The following MUC22 variants were observed in gnomAD, a reference collection of about 807,000 sequenced individuals.
MUC22 encodes the protein mucin-22.
Under a neutral mutation model 40.3 loss-of-function variants are expected in MUC22, and 24 were observed. That is an observed-to-expected ratio of 0.60 (90% confidence interval 0.43 to 0.84). MUC22 has a LOEUF of 0.84. MUC22 is among the 40% of genes least tolerant of loss of function. The pLI is 0.00. For synonymous variants in MUC22, 765 were observed against 844.5 expected, an observed-to-expected ratio of 0.91 and a Z score of 1.63; for missense variants, 1,926 against 2,130.7, an observed-to-expected ratio of 0.90 and a Z score of 1.89.
exon 2 of MUC22, chr6:31,028,078 T>C (rs1186288491): frequency 1.3e-6 from 2 of 1,534,340 alleles, no homozygotes; most frequent in East Asian, 4.9e-5. Flanking sequence ...TACTACAAGC[T>C]CTGAGACCAC....
At chr6:31,030,010 G>A in exon 2 of MUC22, 1 of 1,535,760 alleles carries the variant, frequency 6.5e-7, no homozygotes, top group Non-Finnish European at 8.7e-7. Context: ...TGGGGCCACT[G>A]CAGCCTCCAC....
At chr6:31,008,010 C>T (rs1397911820), upstream of MUC22, among the ~76,000 whole-genome samples, 2 of 152,102 alleles carry the variant, frequency 1.3e-5, no homozygotes, top group Admixed American at 6.5e-5. Flanking sequence ...TTTTATATTC[C>T]GCATACTTTC....
chr6:31,015,119 A>G (rs1331143951), intron 1 of MUC22, among the ~76,000 whole-genome samples: 1 of 152,174 alleles, frequency 6.6e-6, no homozygotes, highest in Non-Finnish European at 1.5e-5. Context: ...GTTGCCTAGT[A>G]CTTGACTTTG....
In MUC22 at chr6:31,026,386, A is replaced by G. The variant is rs182397327; in HGVS notation, c.955A>G (p.Thr319Ala). The G allele has an allele frequency of 2.6e-4, 399 of 1,507,082 alleles. 47 individuals are homozygous for G. The Admixed American group carries it at 4.8e-3, about 18-fold the overall frequency. 93.4% of individuals were successfully genotyped at this position (1,507,082 alleles called of 1,614,324 possible). A position where few individuals can be genotyped will look rare whatever the true frequency, so the allele number is the denominator to read the frequency against. The change falls in exon 2 of 4, where the codon ACC becomes GCC. Residue 319 changes from threonine to alanine, a missense_variant. Around this residue, in one of 3 missense-constraint regions of MUC22, gnomAD observed 1,281 missense variants for 1,337.8 expected, o/e 0.96. Coordinates refer to ENST00000561890, the Ensembl canonical transcript of MUC22. ...CTCTATTTCAGGTTCTGAGATCACC[A>G]CCACCTCTACGGCAGGATCCGAGAA... is the stretch of plus-strand genomic sequence containing the variant.
Position 31,016,987 on chromosome 6 carries a change from C to T in MUC22, c.70+6211C>T, listed in dbSNP as rs374292741. ...GGTGCGCCAGGTTCCCCAGCAGTGC[C>T]AGCGGGTGCTGCGCTCCAATTCTCG... On this transcript the variant is annotated intron_variant, in intron 1 of 3. Coordinates refer to ENST00000561890, the Ensembl canonical transcript of MUC22. Among the ~76,000 whole-genome samples, 303 of 152,354 alleles carry T rather than the reference C, an allele frequency of 2.0e-3. 6 individuals are homozygous for T. Among genetic ancestry groups the T allele is most frequent in the Middle Eastern group, 0.014 (4 of 294 alleles).
chr6:31,034,038 G>C (rs956923332), intron 3 of MUC22, among the ~76,000 whole-genome samples: 9 of 152,296 alleles, frequency 5.9e-5, no homozygotes, highest in African/African-American at 2.2e-4. Context: ...TGCCTGCTAG[G>C]CTCAAGGCTG....
In MUC22 at chr6:31,028,004, C is replaced by T. The variant is rs1765593685; in HGVS notation, c.2573C>T (p.Ala858Val). Residue 858 changes from alanine (A) to valine (V), a missense_variant, in exon 2 of 4, where the codon GCA (alanine) becomes GTA (valine). Ala to Val is a moderately conservative substitution (Grantham distance 64). Coordinates refer to ENST00000561890, the Ensembl canonical transcript of MUC22. ...ACTGCAGATTCTGAGAACACCACAG[C>T]ATCTACTGCAGATTCTGAGACCACC... The T allele has an allele frequency of 6.5e-7, 1 of 1,532,722 alleles. No individual in the cohort carries two copies. The highest frequency in any genetic ancestry group is 1.4e-5 in the African/African-American group (1 of 72,612). 94.9% of individuals were successfully genotyped at this position (1,532,722 alleles called of 1,614,324 possible).
chr6:31,033,194 G>A (rs773527741), intron 3 of MUC22, among the ~76,000 whole-genome samples: 11 of 150,098 alleles, frequency 7.3e-5, no homozygotes, highest in Non-Finnish European at 1.2e-4. Context: ...AAGAAAGGTA[G>A]GAAGGAAGGA....
rs529907873 is a variant in MUC22 at position 31,034,696 on chromosome 6, T to C, written c.5080T>C (p.Tyr1694His). 699 of 1,535,168 alleles carry C rather than the reference T, an allele frequency of 4.6e-4. 1 individual carries two copies. Among genetic ancestry groups the C allele is most frequent in the Non-Finnish European group, 5.3e-4 (611 of 1,146,684 alleles). Residue 1694 changes from tyrosine to histidine, a missense_variant, in exon 4 of 4, where the codon TAT (tyrosine) becomes CAT (histidine). Tyr to His is a moderately conservative substitution (Grantham distance 83, BLOSUM62 2). Coordinates refer to ENST00000561890, the Ensembl canonical transcript of MUC22. The stretch of plus-strand genomic sequence containing the variant: ...GAGAAACCTTTTCTTCCCCCTGAGA[T>C]ATTGTGGTATTTATTACCCCCATGG...
intron 1 of MUC22, among the ~76,000 whole-genome samples, chr6:31,016,404 A>T (rs1764202754): frequency 6.6e-6 from 1 of 152,192 alleles, no homozygotes. Flanking sequence ...AGGGTAATTT[A>T]GCAGAGACGT....
At chr6:31,016,070 G>GT (rs200808200) in intron 1 of MUC22, among the ~76,000 whole-genome samples, 16,987 of 134,216 alleles carry the variant, frequency 0.13, 1,148 homozygotes, top group African/African-American at 0.18. Context: ...GAATTTTGAG[G>GT]TTTTTTTTTT....
chr6:31,008,429 C>A (rs1763650596), upstream of MUC22, among the ~76,000 whole-genome samples: 1 of 152,026 alleles, frequency 6.6e-6, no homozygotes, highest in South Asian at 2.1e-4. Flanking sequence ...AGAGGACGTG[C>A]AGGAAAGAAG....
exon 2 of MUC22, chr6:31,027,469 A>G (rs972303010): frequency 1.3e-6 from 2 of 1,531,694 alleles, no homozygotes; most frequent in Middle Eastern, 1.7e-4. Context: ...TGCAGTCTCC[A>G]CCACAGTCTT....
intron 1 of MUC22, among the ~76,000 whole-genome samples, chr6:31,015,254 G>C (rs1237227479): frequency 6.6e-6 from 1 of 152,114 alleles, no homozygotes; most frequent in Non-Finnish European, 1.5e-5. Context: ...CTACTTTTAA[G>C]AATTGGCTAG....
exon 2 of MUC22, chr6:31,026,866 G>A: frequency 6.7e-7 from 1 of 1,491,712 alleles, no homozygotes; most frequent in Non-Finnish European, 8.9e-7. Context: ...GACGACTGCA[G>A]CCTCCACCAT....
chr6:31,024,272 C>T (rs1765095653), intron 1 of MUC22, among the ~76,000 whole-genome samples: 1 of 152,150 alleles, frequency 6.6e-6, no homozygotes, highest in Admixed American at 6.5e-5. Flanking sequence ...ATTAGAACAA[C>T]TAACAAAACT....
exon 2 of MUC22, chr6:31,028,739 C>T: frequency 1.3e-6 from 2 of 1,531,340 alleles, no homozygotes; most frequent in Non-Finnish European, 1.7e-6. Flanking sequence ...ACTGAAGGCT[C>T]TGAGACCACT....
At chr6:31,027,815 C>A in exon 2 of MUC22, 1 of 1,534,914 alleles carries the variant, frequency 6.5e-7, no homozygotes, top group Non-Finnish European at 8.7e-7. Flanking sequence ...GGCTCTGAGA[C>A]CACTACAGTT....
chr6:31,014,946 C>T (rs9380207), intron 1 of MUC22, among the ~76,000 whole-genome samples: 18,278 of 152,010 alleles, frequency 0.12, 1,295 homozygotes, highest in East Asian at 0.33. Flanking sequence ...AGAAAGACAT[C>T]AAGGTAGTCA....
Sources: gnomAD v4.1 joint callset for allele counts (sites outside exome capture counted in the v4.1 genomes callset) on GRCh38, gnomAD v4.1.1 for gene constraint, gnomAD v4.1.1 regional missense constraint, MANE v1.5 for transcripts, NCBI Gene and HGNC (gene_info 2026-07-23, HGNC 2026-07-21) for gene names.